Variants in TAF4 observed in about 807,000 individuals in gnomAD.
TAF4 encodes transcription initiation factor TFIID subunit 4.
In TAF4, 9 loss-of-function variants were observed where a neutral mutation model predicts 90.3. The ratio of observed to expected loss-of-function variants is 0.10; its 90% CI spans 0.06 to 0.17. The LOEUF (loss-of-function observed/expected upper bound fraction) is 0.17. Among genes scored for constraint, TAF4 ranks in the 10% least tolerant of loss-of-function variants. The pLI is 1.00. For synonymous variants in TAF4, 818 were observed against 638.9 expected (o/e 1.28, Z -4.23); for missense variants, 1,351 against 1,370.7 (o/e 0.99, Z 0.23).
intron 1 of TAF4, chr20:62,037,977 C>G (rs896451703): frequency 6.0e-6 from 1 of 166,838 alleles, no homozygotes; most frequent in African/African-American, 2.4e-5. Flanking sequence ...CATCTCAGGC[C>G]GCTTGGGGAA....
chr20:62,029,486 G>GCGCACACACACACACACACA (rs148456376), intron 1 of TAF4, among the ~76,000 whole-genome samples: 1 of 146,088 alleles, frequency 6.8e-6, no homozygotes, highest in African/African-American at 2.6e-5. Flanking sequence ...GCGCGCGCGC[G>GCGCACACACACACACACACA]CACACACACA....
intron 1 of TAF4, among the ~76,000 whole-genome samples, chr20:62,029,831 G>A (rs757610721): frequency 2.0e-5 from 3 of 152,118 alleles, no homozygotes; most frequent in African/African-American, 4.8e-5. Flanking sequence ...GCTTGAACCC[G>A]GGAGTCGGAG....
At chr20:61,976,955 A>G (rs2055498435) in intron 14 of TAF4, among the ~76,000 whole-genome samples, 1 of 152,226 alleles carries the variant, frequency 6.6e-6, no homozygotes, top group Admixed American at 6.5e-5. Flanking sequence ...TGCTTGGAGA[A>G]GCATAGCTGC....
At chr20:62,024,742 C>A (rs2055865132) in intron 1 of TAF4, among the ~76,000 whole-genome samples, 2 of 152,106 alleles carry the variant, frequency 1.3e-5, no homozygotes, top group Non-Finnish European at 2.9e-5. Flanking sequence ...TGGTGGTGCA[C>A]ACCTCTAGTC....
intron 1 of TAF4, among the ~76,000 whole-genome samples, chr20:62,062,774 A>T (rs2056096536): frequency 6.6e-6 from 1 of 152,198 alleles, no homozygotes. Flanking sequence ...ACCTCCTCCC[A>T]GAAGAAAGAG....
intron 1 of TAF4, among the ~76,000 whole-genome samples, chr20:62,035,042 G>C (rs1057406432): frequency 5.9e-5 from 9 of 152,172 alleles, no homozygotes; most frequent in Admixed American, 3.3e-4. Context: ...GGATGGTCTC[G>C]ATCCCCTGAC....
At chr20:62,005,239 G>A (rs535777879) in intron 7 of TAF4, 1 of 152,360 alleles carries the variant, frequency 6.6e-6, no homozygotes, top group Non-Finnish European at 1.5e-5. Flanking sequence ...TCGAATCAGG[G>A]AGAAGCCTGG....
At chr20:62,045,167 A>G (rs2055986063) in intron 1 of TAF4, among the ~76,000 whole-genome samples, 2 of 152,328 alleles carry the variant, frequency 1.3e-5, no homozygotes, top group South Asian at 4.1e-4. Flanking sequence ...AGAACTCGCA[A>G]AGCCATGCCG....
chr20:62,018,476 C>T (rs774311091), intron 1 of TAF4, among the ~76,000 whole-genome samples: 1 of 152,270 alleles, frequency 6.6e-6, no homozygotes. Flanking sequence ...TGGTTACGGG[C>T]GGCACCTGAC....
intron 14 of TAF4, among the ~76,000 whole-genome samples, chr20:61,976,767 A>C (rs2055497353): frequency 6.6e-6 from 1 of 152,176 alleles, no homozygotes; most frequent in Non-Finnish European, 1.5e-5. Context: ...GAATTCCTGC[A>C]CTGGGAGGCC....
At chr20:61,997,108 C>A (rs1194162365) in intron 14 of TAF4, among the ~76,000 whole-genome samples, 1 of 152,158 alleles carries the variant, frequency 6.6e-6, no homozygotes, top group Non-Finnish European at 1.5e-5. Context: ...AAAGATACAA[C>A]CACAAACATA....
chr20:62,000,643 C>A lies in TAF4; in HGVS notation c.2565G>T (p.Thr855=). 6.2e-7 allele frequency: 1 copy of A among 1,614,268 alleles called. No homozygotes were observed. The highest frequency in any genetic ancestry group is 2.2e-5 in the East Asian group (1 of 44,890). Residue 855 remains threonine (T), a synonymous_variant, in exon 10 of 15, where the codon ACG becomes ACT. Coordinates refer to ENST00000252996, the MANE Select transcript of TAF4 (RefSeq NM_003185.4). ...TTAGCGTGCCCACCAATTCAGAGTT[C>A]GTGGCTAATATTCTTGCACTTTCTT... The part of the protein sequence containing the change: ...LSEESARILA[T]NSELVGTLTR...
chr20:62,018,667 G>A (rs1343224790), intron 1 of TAF4, among the ~76,000 whole-genome samples: 1 of 152,224 alleles, frequency 6.6e-6, no homozygotes, highest in Non-Finnish European at 1.5e-5. Context: ...CCCCACCCAG[G>A]TCTTTGTGAG....
At chr20:62,040,811 G>A (rs1236671989) in intron 1 of TAF4, among the ~76,000 whole-genome samples, 4 of 152,204 alleles carry the variant, frequency 2.6e-5, no homozygotes, top group African/African-American at 7.2e-5. Flanking sequence ...CCTTCCGTAC[G>A]ACTCAGCGAT....
chr20:62,047,937 C>T (rs1175792102), intron 1 of TAF4, among the ~76,000 whole-genome samples: 2 of 152,206 alleles, frequency 1.3e-5, no homozygotes, highest in Admixed American at 6.5e-5. Context: ...TGCCTGACAC[C>T]GGCAACCCTG....
At chr20:62,027,715 T>A (rs1215362921) in intron 1 of TAF4, among the ~76,000 whole-genome samples, 1 of 152,218 alleles carries the variant, frequency 6.6e-6, no homozygotes, top group Non-Finnish European at 1.5e-5. Flanking sequence ...AAAAAAATCA[T>A]TAACTTTACC....
At chr20:62,051,751 G>A (rs1440689980) in intron 1 of TAF4, among the ~76,000 whole-genome samples, 1 of 152,182 alleles carries the variant, frequency 6.6e-6, no homozygotes, top group African/African-American at 2.4e-5. Flanking sequence ...ATGGCAGGTG[G>A]CCTGTGGCCC....
intron 1 of TAF4, 98 bp from the exon 2 acceptor site, chr20:62,014,805 A>G: frequency 6.7e-7 from 1 of 1,497,674 alleles, no homozygotes; most frequent in Non-Finnish European, 9.0e-7. Flanking sequence ...TGTGAGAAGG[A>G]AACAAAGGAA....
Position 62,007,537 on chromosome 20 carries a change from T to C in TAF4, c.1974+10A>G, listed in dbSNP as rs377557499. Reference sequence around the variant, plus strand: ...CTACTGCTCGCAGGCACCGGGGCCTTTGAAATTACCTTCAGGAAAGGCACA... The same window carrying C: ...CTACTGCTCGCAGGCACCGGGGCCTCTGAAATTACCTTCAGGAAAGGCACA... On this transcript the variant is annotated intron_variant, in intron 6 of 14. Coordinates refer to ENST00000252996, the MANE Select transcript of TAF4 (RefSeq NM_003185.4). The C allele has an allele frequency of 1.5e-4, 246 of 1,613,698 alleles. No homozygotes were observed. The highest frequency in any genetic ancestry group is 2.0e-4 in the Non-Finnish European group (231 of 1,179,816).
Sources: allele counts gnomAD v4.1 joint callset (sites outside exome capture counted in the v4.1 genomes callset), GRCh38; gene constraint gnomAD v4.1.1; transcripts MANE v1.5; gene names NCBI Gene and HGNC (gene_info 2026-07-23, HGNC 2026-07-21).